SCAP: variants seen among roughly 807,000 people sequenced by gnomAD.
The protein encoded by SCAP is SREBF chaperone.
A neutral mutation model predicts 123.6 loss-of-function variants in SCAP; 65 were observed. The ratio of observed to expected loss-of-function variants is 0.53; its 90% confidence interval spans 0.43 to 0.65. The LOEUF is 0.65. Among genes scored for constraint, SCAP ranks in the 30% least tolerant of loss-of-function variants. The pLI is 0.00. For synonymous variants in SCAP, 740 were observed against 726.3 expected (o/e 1.02, Z -0.30); for missense variants, 1,398 against 1,712.5 (o/e 0.82, Z 3.24).
intron 13 of SCAP, 146 bp from the exon 14 acceptor site, chr3:47,418,989 G>A (rs1438290119): frequency 5.3e-6 from 5 of 936,230 alleles, no homozygotes; most frequent in East Asian, 5.5e-5. Flanking sequence ...GGGGACAGAG[G>A]TAGGTCCCTC....
At chr3:47,460,556 T>C (rs1707593167) in intron 1 of SCAP, among the ~76,000 whole-genome samples, 1 of 152,118 alleles carries the variant, frequency 6.6e-6, no homozygotes, top group African/African-American at 2.4e-5. Context: ...GGTTTTTTGT[T>C]GTTGTTGTCT....
chr3:47,444,773 CCAGTACTT>C (rs752824363), intron 1 of SCAP, among the ~76,000 whole-genome samples: 2 of 150,626 alleles, frequency 1.3e-5, no homozygotes, highest in Non-Finnish European at 3.0e-5. Flanking sequence ...CCACACCCGG[CCAGTACTT>C]CATTACTTTT....
At chr3:47,425,217 C>T (rs755192723) in intron 8 of SCAP, 14 of 429,634 alleles carry the variant, frequency 3.3e-5, no homozygotes, top group Non-Finnish European at 4.2e-6. Flanking sequence ...AACATACCAA[C>T]ACACACCCCT....
In SCAP at chr3:47,427,877, G is replaced by C. The variant is rs75778617; in HGVS notation, c.411-210C>G. ...GCTGTCTGACTTTCAAAGTGCATCT[G>C]AAGCCCAAAAGCCCATCAGCTCTGA... is the stretch of plus-strand genomic sequence containing the variant. On this transcript the variant is annotated intron_variant, in intron 4 of 22. Transcript: ENST00000265565. 3.2e-4 allele frequency among the ~76,000 whole-genome samples: 49 copies of C among 152,310 alleles called. No homozygotes were observed. The East Asian group carries it at 8.9e-3, about 28-fold the overall frequency.
chr3:47,426,243 G>A (rs1706124367), intron 6 of SCAP, 74 bp from the exon 7 acceptor site: 2 of 1,474,512 alleles, frequency 1.4e-6, no homozygotes, highest in African/African-American at 1.4e-5. Flanking sequence ...TCCCCGGACA[G>A]AGGGTCCATC....
At position 47,417,415 on chromosome 3, in the gene SCAP, G is replaced by A. The variant is rs139075380; in HGVS notation, c.2859C>T (p.Pro953=). 17 of 1,571,454 alleles carry A rather than the reference G, an allele frequency of 1.1e-5. No homozygotes were observed. In the African/African-American group the frequency reaches 1.1e-4, roughly 10 times the overall value. The change falls in exon 17 of 23, where the codon CCC becomes CCT. Residue 953 remains proline (P), a synonymous_variant. Coordinates refer to ENST00000265565, the MANE Select transcript of SCAP (RefSeq NM_012235.4). ...SQAPEDEGGS[P]EKGSPSLAWA... ...AGGCGAGGGAAGGGGAGCCTTTCTC[G>A]GGGGAGCCACCCTCGTCCTCAGGGG...
chr3:47,419,720 G>T lies in SCAP; in HGVS notation c.1564-16C>A, dbSNP rs745402843. Reference sequence around the variant, plus strand: ...CGGTGCCAGCCTGCAGTGGGGCAGGGGGTACTCAGTGGGAGGAATGGGCCC... The same window carrying T: ...CGGTGCCAGCCTGCAGTGGGGCAGGTGGTACTCAGTGGGAGGAATGGGCCC... On this transcript the variant is annotated splice_polypyrimidine_tract_variant and intron_variant, in intron 12 of 22. Coordinates refer to ENST00000265565, the MANE Select transcript of SCAP (RefSeq NM_012235.4). The surrounding 1 kb of genome is among the most constrained non-coding windows in gnomAD (Gnocchi z 5.0). 2 of 1,514,216 alleles carry T rather than the reference G, an allele frequency of 1.3e-6. No individual in the cohort carries two copies. Among genetic ancestry groups the T allele is most frequent in the South Asian group, 1.3e-5 (1 of 74,876 alleles). 93.8% of individuals were successfully genotyped at this position (1,514,216 alleles called of 1,614,324 possible).
chr3:47,465,790 T>C (rs1707801130), intron 1 of SCAP, among the ~76,000 whole-genome samples: 1 of 149,984 alleles, frequency 6.7e-6, no homozygotes, highest in South Asian at 2.1e-4. Context: ...AAGAATATTG[T>C]CTTCCAATCC....
intron 2 of SCAP, among the ~76,000 whole-genome samples, chr3:47,438,465 G>A (rs1706671267): frequency 1.3e-5 from 2 of 152,098 alleles, no homozygotes; most frequent in South Asian, 4.1e-4. Context: ...TCTGCCTATG[G>A]AGCAGCCATT....
intron 18 of SCAP, among the ~76,000 whole-genome samples, chr3:47,416,529 G>A (rs1200677086): frequency 6.6e-6 from 1 of 150,926 alleles, no homozygotes; most frequent in Non-Finnish European, 1.5e-5. Context: ...AAGGATAGGA[G>A]TATATCACTC....
At chr3:47,476,344 C>CCAG (rs550467989), upstream of SCAP, among the ~76,000 whole-genome samples, 11 of 152,202 alleles carry the variant, frequency 7.2e-5, no homozygotes, top group South Asian at 2.3e-3. Flanking sequence ...ACCTGTGGTC[C>CCAG]CAGCTACTCA....
At position 47,417,365 on chromosome 3, in the gene SCAP, A is replaced by G; in HGVS notation, c.2909T>C (p.Ile970Thr). The change falls in exon 17 of 23, where the codon ATC becomes ACC. Residue 970 changes from isoleucine (I) to threonine (T), a missense_variant. Physicochemically the swap from Ile to Thr is moderately conservative, Grantham distance 89 (BLOSUM62 -1). Transcript: ENST00000265565. ...GTTGCCCTGCAGCTCCAAGCTCCAG[A>G]TGGAACCCTCGGCACTGGGGGCCCA... ...LAWAPSAEGS[I>T]WSLELQGNLI... The G allele has an allele frequency of 6.2e-7, 1 of 1,609,392 alleles. No individual in the cohort carries two copies. The highest frequency in any genetic ancestry group is 8.5e-7 in the Non-Finnish European group (1 of 1,178,696).
Position 47,418,223 on chromosome 3 carries a change from G to A in SCAP, c.2358C>T (p.Gly786=), listed in dbSNP as rs1181287978. The A allele has an allele frequency of 1.3e-6, 2 of 1,569,558 alleles. No individual in the cohort carries two copies. The highest frequency in any genetic ancestry group is 1.7e-6 in the Non-Finnish European group (2 of 1,157,912). The change falls in exon 16 of 23, where the codon GGC becomes GGT. Residue 786 remains glycine, a synonymous_variant. Coordinates refer to ENST00000265565, the MANE Select transcript of SCAP (RefSeq NM_012235.4). ...CCAGGCAGCAGCTCACCAGCAGCAT[G>A]CCGTCGCTGGCCAGGCACTCGATGT... ...LMDIECLASD[G]MLLVSCCLAG...
At chr3:47,455,784 TTAAC>T (rs1707402512) in intron 1 of SCAP, among the ~76,000 whole-genome samples, 2 of 152,112 alleles carry the variant, frequency 1.3e-5, no homozygotes, top group Non-Finnish European at 2.9e-5. Context: ...CAGGACTTCT[TTAAC>T]TAAACAAACT....
intron 10 of SCAP, 29 bp downstream of exon 10, chr3:47,422,413 C>T (rs760105190): frequency 1.3e-6 from 2 of 1,598,170 alleles, no homozygotes; most frequent in East Asian, 2.2e-5. Context: ...CTTCCATGCT[C>T]ATCCAGGTGG....
At chr3:47,476,633 G>GT (rs1399118938), upstream of SCAP, among the ~76,000 whole-genome samples, 1 of 152,192 alleles carries the variant, frequency 6.6e-6, no homozygotes, top group Non-Finnish European at 1.5e-5. Flanking sequence ...TACGTTCACT[G>GT]TTTACTAGGT....
At position 47,426,072 on chromosome 3, in the gene SCAP, C is replaced by T; in HGVS notation, c.835G>A (p.Glu279Lys). 6.2e-7 allele frequency: 1 copy of T among 1,614,144 alleles called. No individual in the cohort carries two copies. Among genetic ancestry groups the T allele is most frequent in the Non-Finnish European group, 8.5e-7 (1 of 1,180,002 alleles). The change falls in exon 7 of 23, where the codon GAG (glutamate) becomes AAG (lysine). Residue 279 changes from glutamate to lysine, a missense_variant. Transcript: ENST00000265565. The stretch of plus-strand genomic sequence containing the variant: ...GGGATGAGCTCAGCGACACCAATCT[C>T]CTCCTTGAAGTGCACGTGGACCAGG... ...ESLVHVHFKE[E>K]IGVAELIPLV...
rs57136596 is a variant in SCAP, at chr3:47,419,136, AGT to A, written c.1940+190_1940+191del. Among the ~76,000 whole-genome samples the A allele has an allele frequency of 0.02, 3,101 of 152,306 alleles. 90 individuals are homozygous for A. Among genetic ancestry groups the A allele is most frequent in the East Asian group, 0.051 (262 of 5,176 alleles). ...ATTCTGGTGAGGGCTGGCAGCCACCAGTGACTCCTCAGAGCAACCTGGGACTC... is the reference window on the plus strand; with the variant it reads ...ATTCTGGTGAGGGCTGGCAGCCACCAGACTCCTCAGAGCAACCTGGGACTC... On this transcript the variant is annotated intron_variant, in intron 13 of 22. Coordinates refer to ENST00000265565, the MANE Select transcript of SCAP (RefSeq NM_012235.4). This position sits in a 1 kb window ranked among gnomAD's most constrained non-coding sequence, Gnocchi z 5.0.
chr3:47,418,623 C>CTT, intron 14 of SCAP, 32 bp downstream of exon 14: 4 of 1,447,580 alleles, frequency 2.8e-6, no homozygotes, highest in African/African-American at 1.4e-5. Flanking sequence ...TCCCCGCACT[C>CTT]TTTCCCACCC....
Sources: gnomAD v4.1 joint callset for allele counts (sites outside exome capture counted in the v4.1 genomes callset) on GRCh38, gnomAD v4.1.1 for gene constraint, Gnocchi (gnomAD v3.1) non-coding constraint, MANE v1.5 for transcripts, NCBI Gene and HGNC (gene_info 2026-07-23, HGNC 2026-07-21) for gene names.